The following COL5A3 variants were observed in gnomAD, a reference collection of about 807,000 sequenced individuals.
The protein encoded by COL5A3 is collagen alpha-3(V) chain.
COL5A3 carries 172 observed loss-of-function variants against 250.0 expected under a neutral mutation model. The ratio of observed to expected loss-of-function variants is 0.69; its 90% CI spans 0.61 to 0.78. The LOEUF is 0.78. Among genes scored for constraint, COL5A3 ranks in the 30% least tolerant of loss-of-function variants. The pLI, the probability that COL5A3 is intolerant of heterozygous loss-of-function variation, is 0.00. For missense variants in COL5A3, 2,340 were observed against 2,334.4 expected (o/e 1.00, Z -0.05); for synonymous variants, 937 against 900.4 (o/e 1.04, Z -0.73).
At position 9,979,896 on chromosome 19, in the gene COL5A3, G is replaced by A. The variant is rs1224117885; in HGVS notation, c.2659-4C>T. The A allele has an allele frequency of 2.5e-6, 4 of 1,571,538 alleles. No homozygotes were observed. Among genetic ancestry groups the A allele is most frequent in the Non-Finnish European group, 3.4e-6 (4 of 1,166,182 alleles). On this transcript the variant is annotated splice_polypyrimidine_tract_variant and splice_region_variant and intron_variant, in intron 36 of 66. Transcript: ENST00000264828. ...GCCCATCTTTACCTTGGTGACCCTG[G>A]GGGATGAGGTGGGAAAAAGTTGGGG...
intron 16 of COL5A3, 102 bp downstream of exon 16, chr19:9,995,462 C>A (rs1051034942): frequency 3.9e-6 from 4 of 1,015,864 alleles, no homozygotes; most frequent in African/African-American, 3.2e-5. Flanking sequence ...GCACTCTTTT[C>A]CCACTAACGA....
intron 54 of COL5A3, 102 bp downstream of exon 54, chr19:9,970,520 G>GGAGTGAGTGGGGGCTGT (rs1265976718): frequency 3.1e-6 from 2 of 637,308 alleles, no homozygotes; most frequent in African/African-American, 3.9e-5. Context: ...GTGGGTGTGT[G>GGAGTGAGTGGGGGCTGT]GGGTCTGTGG....
intron 54 of COL5A3, among the ~76,000 whole-genome samples, chr19:9,970,254 A>G (rs1334480063): frequency 2.3e-4 from 2 of 8,612 alleles, no homozygotes; most frequent in Non-Finnish European, 3.9e-4. Flanking sequence ...CTTTGGGGTG[A>G]GGTGGGGTGT....
At position 9,992,156 on chromosome 19, in the gene COL5A3, C is replaced by T; in HGVS notation, c.1849-108G>A. ...AGGTGAGCAGGGCCGGGCACTGTGG[C>T]TCATGCTTGTAATCCCAGCATTTTG... On this transcript the variant is annotated intron_variant, in intron 21 of 66. Coordinates refer to ENST00000264828, the MANE Select transcript of COL5A3 (RefSeq NM_015719.4). The T allele has an allele frequency of 5.4e-6, 5 of 933,852 alleles. No homozygotes were observed. In the South Asian group the frequency reaches 5.9e-5, roughly 11 times the overall value. The allele number at this position is 933,852 out of a possible 1,614,324, so 57.8% of individuals were successfully genotyped here. A position where few individuals can be genotyped will look rare whatever the true frequency, so the allele number is the denominator to read the frequency against.
Position 9,993,691 on chromosome 19 carries a change from G to A in COL5A3, c.1642-19C>T. On this transcript the variant is annotated intron_variant, in intron 17 of 66. Transcript: ENST00000264828. ...GATCACCCTGTCCAGAGACACCAGT[G>A]AGCCTTGACCCCATAAGCCTGACAG... The A allele has an allele frequency of 1.9e-6, 3 of 1,614,100 alleles. No individual in the cohort carries two copies. The highest frequency in any genetic ancestry group is 2.5e-6 in the Non-Finnish European group (3 of 1,180,006).
chr19:9,977,455 A>G lies in COL5A3; in HGVS notation c.3144T>C (p.Pro1048=). ...KKGSRGERGP[P]GPTGKDGIPG... is the part of the protein sequence containing the mutation. ...GGATCCCATCTTTGCCAGTGGGGCC[A>G]GGGGGGCCACGTTCTCCCTGTTGTG... The change falls in exon 43 of 67, where the codon CCT becomes CCC. Residue 1048 remains proline, a synonymous_variant. Coordinates refer to ENST00000264828, the MANE Select transcript of COL5A3 (RefSeq NM_015719.4). 4 of 1,520,100 alleles carry G rather than the reference A, an allele frequency of 2.6e-6. No homozygotes were observed. Among genetic ancestry groups the G allele is most frequent in the Non-Finnish European group, 3.5e-6 (4 of 1,135,472 alleles). The allele number at this position is 1,520,100 out of a possible 1,614,324, so 94.2% of individuals were successfully genotyped here. A position where few individuals can be genotyped will look rare whatever the true frequency, so the allele number is the denominator to read the frequency against.
At chr19:10,004,323 AC>A (rs143682216) in intron 4 of COL5A3, among the ~76,000 whole-genome samples, 178 bp from the exon 5 acceptor site, 3,272 of 151,846 alleles carry the variant, frequency 0.022, 61 homozygotes, top group East Asian at 0.071. Flanking sequence ...TGATCTCTCT[AC>A]CCCCTGTAAC....
At position 9,978,564 on chromosome 19, in the gene COL5A3, T is replaced by C; in HGVS notation, c.3018+10A>G. ...CCCTGCCCCCACCCAGCACATGGGG[T>C]TATACTTACATTGGCCCCCACGGGC... On this transcript the variant is annotated intron_variant, in intron 41 of 66. Coordinates refer to ENST00000264828, the MANE Select transcript of COL5A3 (RefSeq NM_015719.4). 6.4e-7 allele frequency: 1 copy of C among 1,553,982 alleles called. No individual in the cohort carries two copies. The highest frequency in any genetic ancestry group is 8.8e-7 in the Non-Finnish European group (1 of 1,133,166).
chr19:9,969,944 G>GT (rs1568406770), intron 54 of COL5A3, 22 bp from the exon 55 acceptor site: 9 of 1,490,910 alleles, frequency 6.0e-6, no homozygotes, highest in East Asian at 4.9e-5. Context: ...AAGACAGTGA[G>GT]GGGGGTCTAG....
chr19:9,977,277 A>T lies in COL5A3; in HGVS notation c.3240T>A (p.Asp1080Glu). 6.2e-7 allele frequency: 1 copy of T among 1,613,706 alleles called. No homozygotes were observed. Among genetic ancestry groups the T allele is most frequent in the Non-Finnish European group, 8.5e-7 (1 of 1,179,882 alleles). The change falls in exon 44 of 67, where the codon GAT becomes GAA. Residue 1080 changes from aspartate to glutamate, a missense_variant. By Grantham distance (45) the Asp-to-Glu change is conservative. Around this residue, in one of 3 missense-constraint regions of COL5A3, gnomAD observed 1,179 missense variants for 1,162.6 expected, o/e 1.01. Coordinates refer to ENST00000264828, the MANE Select transcript of COL5A3 (RefSeq NM_015719.4). ...GPSGEEGDKG[D>E]VGAPGHKGSK... Reference sequence around the variant, plus strand: ...TCCCCTTGTGTCCGGGGGCACCCACATCCCCCTGCAGAGGAAATGGGATGA... The same window carrying T: ...TCCCCTTGTGTCCGGGGGCACCCACTTCCCCCTGCAGAGGAAATGGGATGA...
rs150670934 is a variant in COL5A3 at position 9,998,831 on chromosome 19, C to T, written c.1111-682G>A. On this transcript the variant is annotated intron_variant, in intron 8 of 66. Transcript: ENST00000264828. ...TCCCCAGTAGCTGGGACTACAGGTGCCCGCCAACACGCCTGGCTAATTTTT... is the reference window on the plus strand; with the variant it reads ...TCCCCAGTAGCTGGGACTACAGGTGTCCGCCAACACGCCTGGCTAATTTTT... Among the ~76,000 whole-genome samples, 1,470 of 151,996 alleles carry T rather than the reference C, an allele frequency of 9.7e-3. 18 individuals carry two copies. Among genetic ancestry groups the T allele is most frequent in the African/African-American group, 0.033 (1,365 of 41,456 alleles).
intron 31 of COL5A3, among the ~76,000 whole-genome samples, chr19:9,985,403 G>A (rs889690303): frequency 3.3e-5 from 5 of 151,046 alleles, no homozygotes; most frequent in Non-Finnish European, 7.4e-5. Flanking sequence ...TAGGATCACA[G>A]GTATGCACCA....
rs2087081350 is a variant in COL5A3 at position 9,985,161 on chromosome 19, G to A, written c.2406+681C>T. On this transcript the variant is annotated intron_variant, in intron 31 of 66. Transcript: ENST00000264828. ...TGACAGGGTTTTACCATGTTGGCCAGGCTGGTCTCAAACTCCTGACCTCAA... is the reference window on the plus strand; with the variant it reads ...TGACAGGGTTTTACCATGTTGGCCAAGCTGGTCTCAAACTCCTGACCTCAA... Among the ~76,000 whole-genome samples, 3 of 151,670 alleles carry A rather than the reference G, an allele frequency of 2.0e-5. No individual in the cohort carries two copies. In the South Asian group the frequency reaches 6.2e-4, roughly 32 times the overall value.
rs768830370 is a variant in COL5A3, at chr19:10,001,862, T to C, written c.869A>G (p.Lys290Arg). ...AENQTSTDIP[K>R]TETPAPNLPP... ...CAGATTTGGAGCTGGAGTCTCTGTCTTGGGGATGTCAGTGGAGGTCTGGAG... is the reference window on the plus strand; with the variant it reads ...CAGATTTGGAGCTGGAGTCTCTGTCCTGGGGATGTCAGTGGAGGTCTGGAG... Residue 290 changes from lysine to arginine, a missense_variant, in exon 7 of 67, where the codon AAG becomes AGG. Coordinates refer to ENST00000264828, the MANE Select transcript of COL5A3 (RefSeq NM_015719.4). 9 of 1,613,740 alleles carry C rather than the reference T, an allele frequency of 5.6e-6. No homozygotes were observed. Among genetic ancestry groups the C allele is most frequent in the Non-Finnish European group, 7.6e-6 (9 of 1,179,890 alleles).
In COL5A3 at chr19:9,969,461, C is replaced by G. The variant is rs374132822; in HGVS notation, c.4099-59G>C. The stretch of plus-strand genomic sequence containing the variant: ...CCCTGTCAGAACACAGTGTGGACCC[C>G]CCCCCGACCATGCACCAGGGGCAGC... On this transcript the variant is annotated intron_variant, in intron 56 of 66. Coordinates refer to ENST00000264828, the MANE Select transcript of COL5A3 (RefSeq NM_015719.4). 2.6e-5 allele frequency: 41 copies of G among 1,594,084 alleles called. No homozygotes were observed. The East Asian group carries it at 4.5e-4, about 17-fold the overall frequency.
chr19:9,965,156 C>CTTTT (rs771519552), intron 64 of COL5A3, among the ~76,000 whole-genome samples: 4 of 100,302 alleles, frequency 4.0e-5, no homozygotes, highest in African/African-American at 7.6e-5. Context: ...TTTTCTTTTT[C>CTTTT]TTTTTTTTTT....
rs538263677 is a variant in COL5A3, at chr19:9,969,283, A to G, written c.4152+66T>C. 5 of 1,364,002 alleles carry G rather than the reference A, an allele frequency of 3.7e-6. No individual in the cohort carries two copies. In the South Asian group the frequency reaches 6.9e-5, roughly 19 times the overall value. The allele number at this position is 1,364,002 out of a possible 1,614,324, so 84.5% of individuals were successfully genotyped here. ...GGGCTAGCCTGCACCAATGCTCACT[A>G]GGTGGTCACTAGGTGCCCAGAGTGG... On this transcript the variant is annotated intron_variant, in intron 57 of 66. Transcript: ENST00000264828.
rs750963381 is a variant in COL5A3, at chr19:9,980,865, C to T, written c.2506-6G>A. 3.7e-6 allele frequency: 5 copies of T among 1,360,784 alleles called. No homozygotes were observed. Among genetic ancestry groups the T allele is most frequent in the Non-Finnish European group, 5.0e-6 (5 of 1,006,072 alleles). 84.3% of individuals were successfully genotyped at this position (1,360,784 alleles called of 1,614,324 possible). Reference sequence around the variant, plus strand: ...CCCCTCTCTCCACGGGAACCCTGAACAAAAAAAAAAGGCAAAGATCAGATA... The same window carrying T: ...CCCCTCTCTCCACGGGAACCCTGAATAAAAAAAAAAGGCAAAGATCAGATA... On this transcript the variant is annotated splice_polypyrimidine_tract_variant and splice_region_variant and intron_variant, in intron 33 of 66. Transcript: ENST00000264828.
chr19:10,005,412 G>T, intron 4 of COL5A3, 146 bp downstream of exon 4: 1 of 765,858 alleles, frequency 1.3e-6, no homozygotes, highest in South Asian at 1.8e-5. Flanking sequence ...CTGCAACGGT[G>T]CACGAAAGCA....
Sources: allele counts gnomAD v4.1 joint callset (sites outside exome capture counted in the v4.1 genomes callset), GRCh38; gene constraint gnomAD v4.1.1; regional missense constraint gnomAD v4.1.1; transcripts MANE v1.5; gene names NCBI Gene and HGNC (gene_info 2026-07-23, HGNC 2026-07-21).